ERBIN: variants seen among roughly 807,000 people sequenced by gnomAD.
ERBIN encodes erbb2 interacting protein, also known as densin-180-like protein.
In ERBIN, 60 loss-of-function variants were observed where a neutral mutation model predicts 158.4. That is an observed-to-expected ratio of 0.38 (90% CI 0.31 to 0.47). ERBIN has a LOEUF of 0.47. Among genes scored for constraint, ERBIN ranks in the 20% least tolerant of loss-of-function variants. The pLI, the probability that ERBIN is intolerant of heterozygous loss-of-function variation, is 0.99. For synonymous variants in ERBIN, 594 were observed against 557.2 expected (o/e 1.07, Z -0.93); for missense variants, 1,610 against 1,648.0 (o/e 0.98, Z 0.40).
chr5:65,978,962 A>C (rs938035947), intron 1 of ERBIN, among the ~76,000 whole-genome samples: 1 of 152,182 alleles, frequency 6.6e-6, no homozygotes, highest in South Asian at 2.1e-4. Context: ...CAAGATCGAA[A>C]AGGTGACTGT....
At chr5:65,996,564 G>T (rs1580293757) in intron 4 of ERBIN, among the ~76,000 whole-genome samples, 1 of 152,204 alleles carries the variant, frequency 6.6e-6, no homozygotes, top group Non-Finnish European at 1.5e-5. Flanking sequence ...GTGAAGTCGG[G>T]TGTGATGCCT....
chr5:65,951,910 T>C (rs907785504), intron 1 of ERBIN, among the ~76,000 whole-genome samples: 1 of 152,376 alleles, frequency 6.6e-6, no homozygotes, highest in East Asian at 1.9e-4. Flanking sequence ...AAGTGCCTTA[T>C]GATGTTAATT....
chr5:66,049,189 G>A (rs985870029), intron 19 of ERBIN, among the ~76,000 whole-genome samples: 9 of 152,002 alleles, frequency 5.9e-5, no homozygotes, highest in Non-Finnish European at 1.2e-4. Flanking sequence ...GTAGGTGCTC[G>A]TTATTTTATT....
At chr5:66,025,637 T>G (rs1756162607) in intron 11 of ERBIN, 85 bp downstream of exon 11, 2 of 1,117,864 alleles carry the variant, frequency 1.8e-6, no homozygotes, top group South Asian at 2.7e-5. Context: ...TTTGCATAAA[T>G]GACCTAAAGA....
In ERBIN at chr5:66,014,669, A is replaced by G. The variant is rs1475246678; in HGVS notation, c.477A>G (p.Arg159=). The G allele has an allele frequency of 4.4e-6, 6 of 1,377,182 alleles. No homozygotes were observed. Among genetic ancestry groups the G allele is most frequent in the Non-Finnish European group, 6.0e-6 (6 of 1,006,734 alleles). The allele number at this position is 1,377,182 out of a possible 1,614,324, so 85.3% of individuals were successfully genotyped here. Residue 159 remains arginine (R), a splice_region_variant and synonymous_variant, in exon 7 of 26, where the codon AGA becomes AGG. Transcript: ENST00000284037. ...FLEFLPANFG[R]LTKLQILELR... ...ACATGATTTTTTTTTTGTATTGCAG[A>G]TTAACTAAACTCCAAATATTAGAGC...
intron 4 of ERBIN, among the ~76,000 whole-genome samples, chr5:66,005,117 G>A (rs920070346): frequency 6.6e-6 from 1 of 152,112 alleles, no homozygotes; most frequent in African/African-American, 2.4e-5. Context: ...GTGGGCATGT[G>A]GGTGAAAAAC....
chr5:66,018,292 A>G (rs1011558560), intron 7 of ERBIN, among the ~76,000 whole-genome samples: 1 of 148,134 alleles, frequency 6.8e-6, no homozygotes, highest in South Asian at 2.1e-4. Flanking sequence ...ATCCTAATCC[A>G]TGAGCATGGA....
intron 4 of ERBIN, among the ~76,000 whole-genome samples, chr5:65,996,795 T>C (rs895766437): frequency 6.6e-6 from 1 of 152,170 alleles, no homozygotes; most frequent in African/African-American, 2.4e-5. Context: ...GCTGCTTCAA[T>C]TTTTTTCATC....
At chr5:66,036,299 A>G (rs766133188) in intron 14 of ERBIN, among the ~76,000 whole-genome samples, 3 of 152,082 alleles carry the variant, frequency 2.0e-5, no homozygotes, top group Non-Finnish European at 4.4e-5. Context: ...TCCCAGCACT[A>G]TCCTACTTAA....
chr5:66,038,495 T>C lies in ERBIN; in HGVS notation c.1306+13T>C. On this transcript the variant is annotated intron_variant, in intron 15 of 25. Transcript: ENST00000284037. Reference sequence around the variant, plus strand: ...AGGACTGAGGATGGTAGGAATTTCATAATCGATTTTCTTGTTAAAAACAAA... The same window carrying C: ...AGGACTGAGGATGGTAGGAATTTCACAATCGATTTTCTTGTTAAAAACAAA... 3.2e-6 allele frequency: 5 copies of C among 1,563,302 alleles called. No homozygotes were observed. The highest frequency in any genetic ancestry group is 4.4e-6 in the Non-Finnish European group (5 of 1,143,998).
rs376537652 is a variant in ERBIN at position 66,046,331 on chromosome 5, C to G, written c.1603-22C>G. 8.6e-6 allele frequency: 12 copies of G among 1,388,356 alleles called. No homozygotes were observed. In the African/African-American group the frequency reaches 1.4e-4, roughly 17 times the overall value. 86.0% of individuals were successfully genotyped at this position (1,388,356 alleles called of 1,614,324 possible). A position where few individuals can be genotyped will look rare whatever the true frequency, so the allele number is the denominator to read the frequency against. On this transcript the variant is annotated intron_variant, in intron 17 of 25. Transcript: ENST00000284037. ...ATATAAAACTTAAAGAATATGAGCT[C>G]TTTATCTTTTCTTTTACTTAGACCT...
chr5:65,974,136 A>C (rs1235016392), intron 1 of ERBIN, among the ~76,000 whole-genome samples: 3 of 149,290 alleles, frequency 2.0e-5, no homozygotes, highest in Non-Finnish European at 4.4e-5. Flanking sequence ...GCTACTTGAG[A>C]GTACCCTTGG....
rs1301777787 is a variant in ERBIN at position 66,076,357 on chromosome 5, C to T, written c.4005C>T (p.Ser1335=). The change falls in exon 24 of 26, where the codon AGC becomes AGT. Residue 1335 remains serine, a synonymous_variant. Transcript: ENST00000284037. ...AAAAGGATCCAGAACTTGGATTTAG[C>T]ATATCAGGTGGTGTCGGGGGTAGAG... is the stretch of plus-strand genomic sequence containing the variant. ...RVEKDPELGF[S]ISGGVGGRGN... is the part of the protein sequence containing the mutation. The T allele has an allele frequency of 3.7e-6, 6 of 1,613,412 alleles. No homozygotes were observed. Among genetic ancestry groups the T allele is most frequent in the Non-Finnish European group, 5.1e-6 (6 of 1,179,802 alleles).
At chr5:66,029,052 C>T (rs1398583728) in intron 14 of ERBIN, among the ~76,000 whole-genome samples, 2 of 152,116 alleles carry the variant, frequency 1.3e-5, no homozygotes, top group Admixed American at 6.5e-5. Context: ...TTTCTTTGTT[C>T]ATTCATCCAT....
At chr5:66,060,880 G>A (rs907921103) in intron 21 of ERBIN, among the ~76,000 whole-genome samples, 11 of 152,266 alleles carry the variant, frequency 7.2e-5, no homozygotes, top group Non-Finnish European at 1.0e-4. Context: ...CTGAGTTCTA[G>A]TTTGATTGCA....
chr5:66,004,041 G>A (rs1036002172), intron 4 of ERBIN, among the ~76,000 whole-genome samples: 1 of 150,632 alleles, frequency 6.6e-6, no homozygotes, highest in East Asian at 1.9e-4. Flanking sequence ...GGACTCAAGG[G>A]AGGCTTCCCC....
intron 1 of ERBIN, among the ~76,000 whole-genome samples, chr5:65,972,906 A>T (rs1305353024): frequency 1.3e-5 from 2 of 151,258 alleles, no homozygotes; most frequent in Admixed American, 1.3e-4. Flanking sequence ...GAAAATGAGA[A>T]CTTCAACCTG....
At chr5:66,048,140 TTTATGTTACTGAATAACATAAAATG>T (rs906473901) in intron 18 of ERBIN, among the ~76,000 whole-genome samples, 11 of 151,616 alleles carry the variant, frequency 7.3e-5, no homozygotes, top group African/African-American at 2.4e-5. Context: ...AAAATAACAT[TTTATGTTACTGAATAACATAAAATG>T]TTATGTTATT....
intron 1 of ERBIN, among the ~76,000 whole-genome samples, chr5:65,944,448 C>T (rs139618912): frequency 6.6e-6 from 1 of 152,076 alleles, no homozygotes; most frequent in African/African-American, 2.4e-5. Flanking sequence ...GTCACCCAGG[C>T]CAGAGTGCAG....
Sources: gnomAD v4.1 joint callset for allele counts (sites outside exome capture counted in the v4.1 genomes callset) on GRCh38, gnomAD v4.1.1 for gene constraint, MANE v1.5 for transcripts, NCBI Gene and HGNC (gene_info 2026-07-23, HGNC 2026-07-21) for gene names.